The following NELL2 variants were observed in gnomAD, a reference collection of about 807,000 sequenced individuals.
NELL2 encodes the protein protein kinase C-binding protein NELL2.
Under a neutral mutation model 109.6 loss-of-function variants are expected in NELL2, and 41 were observed. The ratio of observed to expected loss-of-function variants is 0.37; its 90% CI spans 0.29 to 0.49. The LOEUF (loss-of-function observed/expected upper bound fraction) is 0.49, where lower values mean the gene tolerates loss of function less well. NELL2 is among the 20% of genes least tolerant of loss of function. The pLI is 0.98. For synonymous variants in NELL2, 355 were observed against 344.7 expected (o/e 1.03, Z -0.33); for missense variants, 900 against 1,008.3 (o/e 0.89, Z 1.45).
intron 13 of NELL2, among the ~76,000 whole-genome samples, chr12:44,641,245 G>A (rs897332005): frequency 6.6e-6 from 1 of 152,088 alleles, no homozygotes; most frequent in African/African-American, 2.4e-5. Context: ...CAATGCAAAG[G>A]GGATCTAATT....
rs145890701 is a variant in NELL2 at position 44,542,811 on chromosome 12, G to T, written c.1664-10090C>A. Among the ~76,000 whole-genome samples the T allele has an allele frequency of 2.1e-3, 316 of 152,272 alleles. 1 individual carries two copies. The highest frequency in any genetic ancestry group is 7.0e-3 in the African/African-American group (290 of 41,548). ...ATATAGAAATCAAGTCTGCACAGAT[G>T]GGGGAGGAGTTGGGGAAGTAAAGAA... On this transcript the variant is annotated intron_variant, in intron 15 of 19. Transcript: ENST00000429094.
chr12:44,520,932 T>G (rs12303994), intron 18 of NELL2, among the ~76,000 whole-genome samples: 5,443 of 152,274 alleles, frequency 0.036, 300 homozygotes, highest in African/African-American at 0.12. Context: ...CATTGATTTT[T>G]GGGTTGAAAG....
At chr12:44,644,614 A>AG (rs1947012047) in intron 13 of NELL2, among the ~76,000 whole-genome samples, 1 of 94,704 alleles carries the variant, frequency 1.1e-5, no homozygotes, top group Non-Finnish European at 2.1e-5. Flanking sequence ...GTATGTATAT[A>AG]TATATATATA....
At chr12:44,718,265 T>A (rs1938591682) in intron 9 of NELL2, among the ~76,000 whole-genome samples, 1 of 152,104 alleles carries the variant, frequency 6.6e-6, no homozygotes, top group Admixed American at 6.5e-5. Flanking sequence ...AGGTGCAAAT[T>A]CTGAGAGATA....
chr12:44,573,777 C>A (rs541567864), intron 15 of NELL2, among the ~76,000 whole-genome samples: 2 of 152,224 alleles, frequency 1.3e-5, no homozygotes, highest in South Asian at 4.2e-4. Context: ...GAAATAGAGA[C>A]CTTAATAAAT....
intron 15 of NELL2, among the ~76,000 whole-genome samples, chr12:44,566,370 A>G (rs1259598984): frequency 2.0e-5 from 3 of 152,094 alleles, no homozygotes; most frequent in Admixed American, 2.0e-4. Context: ...ATTCACCTAT[A>G]CCTCTAAATA....
chr12:44,626,402 C>G (rs545847681), intron 13 of NELL2, among the ~76,000 whole-genome samples: 1 of 152,278 alleles, frequency 6.6e-6, no homozygotes, highest in South Asian at 2.1e-4. Context: ...CTCACTTGTT[C>G]ACTTATTTCA....
chr12:44,777,465 AC>A lies in NELL2; in HGVS notation c.607-152del. ...TGTTAATACATTATTTCCACTTCATACCAAAGGGAAAGAAATTCATCAGGCA... is the reference window on the plus strand; with the variant it reads ...TGTTAATACATTATTTCCACTTCATACAAAGGGAAAGAAATTCATCAGGCA... On this transcript the variant is annotated intron_variant, in intron 5 of 19. Transcript: ENST00000429094. The A allele has an allele frequency of 7.9e-6, 5 of 634,356 alleles. No homozygotes were observed. The South Asian group carries it at 9.5e-5, about 12-fold the overall frequency. 39.3% of individuals were successfully genotyped at this position (634,356 alleles called of 1,614,324 possible). A position where few individuals can be genotyped will look rare whatever the true frequency, so the allele number is the denominator to read the frequency against.
At chr12:44,794,978 T>C (rs534945252) in intron 3 of NELL2, among the ~76,000 whole-genome samples, 2 of 152,338 alleles carry the variant, frequency 1.3e-5, no homozygotes, top group South Asian at 4.1e-4. Flanking sequence ...ATTTATGCCC[T>C]TGTTAGTCAA....
Position 44,810,454 on chromosome 12 carries a change from A to T in NELL2, c.335+5532T>A, listed in dbSNP as rs141382431. On this transcript the variant is annotated intron_variant, in intron 3 of 19. Transcript: ENST00000429094. Reference sequence around the variant, plus strand: ...TTGGCTCTCTGTTCTCTAGAGACCCAATTCTAAGCTATTGGTTCATCTGCC... The same window carrying T: ...TTGGCTCTCTGTTCTCTAGAGACCCTATTCTAAGCTATTGGTTCATCTGCC... Among the ~76,000 whole-genome samples, 20 of 152,232 alleles carry T rather than the reference A, an allele frequency of 1.3e-4. No homozygotes were observed. In the East Asian group the frequency reaches 3.1e-3, roughly 24 times the overall value.
chr12:44,619,647 A>AAGGAGG (rs371438177), intron 13 of NELL2, among the ~76,000 whole-genome samples: 3 of 151,530 alleles, frequency 2.0e-5, no homozygotes, highest in East Asian at 1.9e-4. Flanking sequence ...AGAGGAGGAG[A>AAGGAGG]AGGAGGAGGA....
intron 13 of NELL2, among the ~76,000 whole-genome samples, chr12:44,652,406 A>ATGAAAATGTTC (rs1449157700): frequency 8.5e-5 from 13 of 152,304 alleles, no homozygotes; most frequent in Middle Eastern, 3.4e-3. Flanking sequence ...GAAACAGACA[A>ATGAAAATGTTC]TGAAAATGTT....
intron 15 of NELL2, among the ~76,000 whole-genome samples, chr12:44,556,650 G>C (rs572951924): frequency 1.3e-5 from 2 of 152,300 alleles, no homozygotes; most frequent in African/African-American, 4.8e-5. Flanking sequence ...ACCCAGCTAA[G>C]ATCCAGCTCT....
In NELL2 at chr12:44,577,465, G is replaced by GTT. The variant is rs746239984; in HGVS notation, c.1663+29702_1663+29703dup. ...ATATTAGCCCTTTGTCAGATGAGTAGTTTTTTTTTTTTTTTTTTTTTTTTT... is the reference window on the plus strand; with the variant it reads ...ATATTAGCCCTTTGTCAGATGAGTAGTTTTTTTTTTTTTTTTTTTTTTTTTTT... On this transcript the variant is annotated intron_variant, in intron 15 of 19. Coordinates refer to ENST00000429094, the MANE Select transcript of NELL2 (RefSeq NM_001145108.2). 1.6e-3 allele frequency among the ~76,000 whole-genome samples: 131 copies of GTT among 83,452 alleles called. 25 individuals are homozygous for GTT. The highest frequency in any genetic ancestry group is 5.4e-3 in the African/African-American group (77 of 14,150). The allele number at this position is 83,452 out of a possible 152,430, so 54.7% of individuals were successfully genotyped here.
chr12:44,726,559 T>C (rs1049914235), intron 9 of NELL2, among the ~76,000 whole-genome samples: 4 of 152,156 alleles, frequency 2.6e-5, no homozygotes, highest in African/African-American at 9.7e-5. Flanking sequence ...TAAAATACAA[T>C]GATTTGCCAA....
At chr12:44,729,919 T>G (rs1324648578) in intron 9 of NELL2, among the ~76,000 whole-genome samples, 7 of 152,106 alleles carry the variant, frequency 4.6e-5, no homozygotes, top group African/African-American at 1.7e-4. Context: ...GCCTCCTGAG[T>G]AGCTAGGATT....
At chr12:44,600,047 C>T (rs1945147671) in intron 15 of NELL2, among the ~76,000 whole-genome samples, 1 of 150,700 alleles carries the variant, frequency 6.6e-6, no homozygotes, top group Non-Finnish European at 1.5e-5. Context: ...CTGCAAGCCC[C>T]GCCTCCCCAG....
chr12:44,529,985 A>T (rs181762773), intron 16 of NELL2, among the ~76,000 whole-genome samples: 175 of 152,316 alleles, frequency 1.1e-3, no homozygotes, highest in African/African-American at 4.1e-3. Context: ...CTCTTTGAAC[A>T]CTGATAGGAA....
intron 15 of NELL2, among the ~76,000 whole-genome samples, chr12:44,574,029 A>G (rs891700991): frequency 3.9e-5 from 6 of 151,940 alleles, no homozygotes; most frequent in African/African-American, 1.2e-4. Context: ...CTTTCATATC[A>G]TTAAGGGTTT....
Sources: gnomAD v4.1 joint callset for allele counts (sites outside exome capture counted in the v4.1 genomes callset) on GRCh38, gnomAD v4.1.1 for gene constraint, MANE v1.5 for transcripts, NCBI Gene and HGNC (gene_info 2026-07-23, HGNC 2026-07-21) for gene names.